The following ANKS1B variants were observed in gnomAD, a reference collection of about 807,000 sequenced individuals.
ANKS1B encodes ankyrin repeat and sterile alpha motif domain-containing protein 1B.
In ANKS1B, 36 loss-of-function variants were observed where a neutral mutation model predicts 148.3. The ratio of observed to expected loss-of-function variants is 0.24; its 90% confidence interval spans 0.19 to 0.32. The LOEUF (loss-of-function observed/expected upper bound fraction) is 0.32. Ranked by LOEUF, ANKS1B falls within the 10% of genes least tolerant of loss-of-function variation. The pLI is 1.00. For missense variants in ANKS1B, 1,157 were observed against 1,542.6 expected (o/e 0.75, Z 4.19); for synonymous variants, 542 against 560.8 (o/e 0.97, Z 0.47).
chr12:98,800,671 C>CAA (rs1187267502), intron 21 of ANKS1B, among the ~76,000 whole-genome samples: 1 of 29,898 alleles, frequency 3.3e-5, no homozygotes, highest in African/African-American at 1.5e-4. Context: ...GGTGAGTGAG[C>CAA]AGAGATATAT....
chr12:98,835,906 T>C (rs1325184334), intron 17 of ANKS1B, among the ~76,000 whole-genome samples: 1 of 152,252 alleles, frequency 6.6e-6, no homozygotes, highest in Non-Finnish European at 1.5e-5. Flanking sequence ...TCTAGTTCTA[T>C]GTCCTAGTTG....
chr12:99,739,916 C>T (rs2059937755), intron 8 of ANKS1B, among the ~76,000 whole-genome samples: 1 of 152,182 alleles, frequency 6.6e-6, no homozygotes, highest in Non-Finnish European at 1.5e-5. Context: ...CTCCATAGCA[C>T]TTATCATCTT....
At position 98,832,115 on chromosome 12, in the gene ANKS1B, C is replaced by A; in HGVS notation, c.2800G>T (p.Gly934Cys). ...LINVLKINLI[G>C]HRKRILASLG... ...GATGCCAAAATACGTTTCCTGTGGC[C>A]AATCAAATTGATTTTTAAAACCTGA... The change falls in exon 18 of 27, where the codon GGC becomes TGC. Residue 934 changes from glycine (G) to cysteine (C), a missense_variant. Physicochemically the swap from Gly to Cys is radical, Grantham distance 159. Transcript: ENST00000683438. 6.3e-7 allele frequency: 1 copy of A among 1,582,970 alleles called. No individual in the cohort carries two copies.
At chr12:98,775,205 CT>C (rs1403524427) in intron 24 of ANKS1B, among the ~76,000 whole-genome samples, 1 of 152,214 alleles carries the variant, frequency 6.6e-6, no homozygotes, top group East Asian at 1.9e-4. Flanking sequence ...TTCTTGAGAT[CT>C]TTTGCAAGAT....
chr12:99,653,219 T>C (rs576275803), intron 9 of ANKS1B, among the ~76,000 whole-genome samples: 12 of 152,030 alleles, frequency 7.9e-5, no homozygotes, highest in Non-Finnish European at 1.6e-4. Flanking sequence ...AAAGCAAATG[T>C]TAGTAAGGTG....
chr12:99,346,004 A>G (rs2090618449), intron 12 of ANKS1B, among the ~76,000 whole-genome samples: 1 of 152,010 alleles, frequency 6.6e-6, no homozygotes, highest in African/African-American at 2.4e-5. Context: ...GGCTACTGGC[A>G]TTATTTTTAG....
intron 4 of ANKS1B, among the ~76,000 whole-genome samples, chr12:99,790,213 A>G (rs1463441542): frequency 1.3e-5 from 2 of 152,204 alleles, no homozygotes; most frequent in Non-Finnish European, 2.9e-5. Flanking sequence ...GTGGCATGAC[A>G]TATTTAAAGT....
intron 10 of ANKS1B, among the ~76,000 whole-genome samples, chr12:99,449,844 T>C (rs146486257): frequency 2.6e-4 from 39 of 152,272 alleles, no homozygotes; most frequent in Admixed American, 5.2e-4. Context: ...CTTTGAGACA[T>C]TGTACTGTTC....
At chr12:99,939,742 C>T (rs1257244165) in intron 1 of ANKS1B, among the ~76,000 whole-genome samples, 1 of 152,082 alleles carries the variant, frequency 6.6e-6, no homozygotes, top group Non-Finnish European at 1.5e-5. Flanking sequence ...ATTTAATGCT[C>T]ACCTTTTAAA....
intron 1 of ANKS1B, among the ~76,000 whole-genome samples, chr12:99,863,809 C>T (rs910957808): frequency 2.6e-5 from 4 of 152,040 alleles, no homozygotes; most frequent in African/African-American, 4.8e-5. Context: ...TGGTGGCTCA[C>T]GCCTGTAATC....
At chr12:99,566,370 G>A (rs1368411782) in intron 9 of ANKS1B, among the ~76,000 whole-genome samples, 1 of 152,096 alleles carries the variant, frequency 6.6e-6, no homozygotes, top group African/African-American at 2.4e-5. Context: ...TTTGCTAATA[G>A]TTCTGCAAGT....
intron 15 of ANKS1B, among the ~76,000 whole-genome samples, chr12:99,121,790 GAA>G (rs1389716421): frequency 1.3e-5 from 2 of 152,148 alleles, no homozygotes; most frequent in Non-Finnish European, 2.9e-5. Flanking sequence ...CAAATGAACT[GAA>G]TTTAACTCAA....
chr12:99,271,925 G>A (rs1415440603), intron 12 of ANKS1B, among the ~76,000 whole-genome samples: 1 of 151,880 alleles, frequency 6.6e-6, no homozygotes, highest in African/African-American at 2.4e-5. Context: ...AATCAAAGGT[G>A]CATGTGGGAA....
intron 12 of ANKS1B, among the ~76,000 whole-genome samples, chr12:99,267,560 T>TTC (rs1394534859): frequency 3.9e-4 from 59 of 150,102 alleles, no homozygotes; most frequent in African/African-American, 1.4e-3. Flanking sequence ...TATTTGGCTG[T>TTC]ACATTCATTC....
At chr12:98,889,908 G>C (rs1481813709) in intron 17 of ANKS1B, among the ~76,000 whole-genome samples, 1 of 152,134 alleles carries the variant, frequency 6.6e-6, no homozygotes, top group South Asian at 2.1e-4. Flanking sequence ...ATGTAAAAGA[G>C]GAACGAGTTT....
At chr12:99,424,005 A>T (rs1161428061) in intron 11 of ANKS1B, among the ~76,000 whole-genome samples, 1 of 152,178 alleles carries the variant, frequency 6.6e-6, no homozygotes, top group Non-Finnish European at 1.5e-5. Flanking sequence ...TTTTTTAAAA[A>T]GATTATGAAT....
intron 1 of ANKS1B, among the ~76,000 whole-genome samples, chr12:99,905,814 C>G (rs73147427): frequency 0.011 from 1,679 of 152,220 alleles, 12 homozygotes; most frequent in Non-Finnish European, 0.016. Context: ...CCCTAATAAC[C>G]CCATTTTAAC....
intron 1 of ANKS1B, among the ~76,000 whole-genome samples, chr12:99,863,457 C>T (rs147160045): frequency 1.6e-3 from 251 of 152,180 alleles, no homozygotes; most frequent in African/African-American, 5.6e-3. Context: ...GGCCCACACC[C>T]GTAATCCCAG....
chr12:99,365,704 T>C (rs1219998254), intron 12 of ANKS1B, among the ~76,000 whole-genome samples: 1 of 152,178 alleles, frequency 6.6e-6, no homozygotes, highest in African/African-American at 2.4e-5. Flanking sequence ...TCCCTGGGGA[T>C]CAGAGTGCTG....
Sources: gnomAD v4.1 joint callset for allele counts (sites outside exome capture counted in the v4.1 genomes callset) on GRCh38, gnomAD v4.1.1 for gene constraint, MANE v1.5 for transcripts, NCBI Gene and HGNC (gene_info 2026-07-23, HGNC 2026-07-21) for gene names.